The following SGCZ variants were observed in gnomAD, a reference collection of about 807,000 sequenced individuals.
The protein encoded by SGCZ is sarcoglycan zeta, also known as zeta-sarcoglycan.
SGCZ carries 40 observed loss-of-function variants against 41.3 expected under a neutral mutation model. The ratio of observed to expected loss-of-function variants is 0.97; its 90% CI spans 0.75 to 1.26. The LOEUF is 1.26. Among genes scored for constraint, SGCZ ranks in the 50% most tolerant of loss-of-function variants. SGCZ has a pLI of 0.00. For missense variants in SGCZ, 552 were observed against 369.8 expected (o/e 1.49, Z -4.04); for synonymous variants, 206 against 137.5 (o/e 1.50, Z -3.49).
chr8:14,289,823 T>TAA (rs200037386), intron 3 of SGCZ, among the ~76,000 whole-genome samples: 3 of 145,730 alleles, frequency 2.1e-5, no homozygotes, highest in South Asian at 2.2e-4. Flanking sequence ...ACTAGATAAT[T>TAA]AAAAAAAATA....
chr8:15,096,557 C>G (rs1288245276), intron 1 of SGCZ, among the ~76,000 whole-genome samples: 1 of 152,126 alleles, frequency 6.6e-6, no homozygotes, highest in Non-Finnish European at 1.5e-5. Context: ...TGTAATGCTT[C>G]CACCTATGAA....
At position 15,169,436 on chromosome 8, in the gene SGCZ, G is replaced by A. The variant is rs148553084; in HGVS notation, c.39+68149C>T. On this transcript the variant is annotated intron_variant, in intron 1 of 7. Coordinates refer to ENST00000382080, the MANE Select transcript of SGCZ (RefSeq NM_139167.4). ...TCTCTAGCAGGGACTCCAGTCAAAC[G>A]AGAGTCACTGTTTTCCCCTTTTCTT... Among the ~76,000 whole-genome samples, 86 of 152,244 alleles carry A rather than the reference G, an allele frequency of 5.6e-4. No homozygotes were observed. In the East Asian group the frequency reaches 0.013, roughly 23 times the overall value.
intron 3 of SGCZ, among the ~76,000 whole-genome samples, chr8:14,259,878 C>T (rs937819800): frequency 1.5e-4 from 23 of 151,948 alleles, no homozygotes; most frequent in South Asian, 8.3e-4. Context: ...GGGGATGGCA[C>T]TGAATCTGTA....
At chr8:14,116,005 C>G (rs1378060600) in intron 5 of SGCZ, among the ~76,000 whole-genome samples, 2 of 152,056 alleles carry the variant, frequency 1.3e-5, no homozygotes, top group Non-Finnish European at 2.9e-5. Flanking sequence ...AGAGATTCAT[C>G]TCAGCAGCAC....
At position 14,698,124 on chromosome 8, in the gene SGCZ, T is replaced by C. The variant is rs558943975; in HGVS notation, c.40-143198A>G. Among the ~76,000 whole-genome samples the C allele has an allele frequency of 2.8e-3, 419 of 152,146 alleles. 4 individuals carry two copies. Among genetic ancestry groups the C allele is most frequent in the African/African-American group, 9.7e-3 (404 of 41,546 alleles). ...ACTACTCACTATTTAAATAATCGCCTTTCTAGCAGTCAAACAAAATATAGA... is the reference window on the plus strand; with the variant it reads ...ACTACTCACTATTTAAATAATCGCCCTTCTAGCAGTCAAACAAAATATAGA... On this transcript the variant is annotated intron_variant, in intron 1 of 7. Transcript: ENST00000382080.
chr8:14,630,361 C>T (rs746790525), intron 1 of SGCZ, among the ~76,000 whole-genome samples: 3 of 151,782 alleles, frequency 2.0e-5, no homozygotes, highest in Non-Finnish European at 1.5e-5. Context: ...AAACACTTGG[C>T]TCTCAGGATT....
chr8:14,306,902 C>T (rs1025465841), intron 3 of SGCZ, among the ~76,000 whole-genome samples: 15 of 152,090 alleles, frequency 9.9e-5, no homozygotes, highest in African/African-American at 1.4e-4. Flanking sequence ...GGATAAAAAG[C>T]AGACAGAAAA....
chr8:15,007,739 A>G (rs1802655996), intron 1 of SGCZ, among the ~76,000 whole-genome samples: 1 of 152,240 alleles, frequency 6.6e-6, no homozygotes, highest in Admixed American at 6.5e-5. Flanking sequence ...TGAAATCATC[A>G]GGCTTAAGTA....
chr8:14,437,506 T>C (rs1800127709), intron 2 of SGCZ, among the ~76,000 whole-genome samples: 1 of 152,090 alleles, frequency 6.6e-6, no homozygotes, highest in Admixed American at 6.6e-5. Context: ...TCTGAGTCAA[T>C]ATTTTCAAGC....
chr8:14,621,408 C>G (rs1806280981), intron 1 of SGCZ, among the ~76,000 whole-genome samples: 1 of 150,850 alleles, frequency 6.6e-6, no homozygotes, highest in African/African-American at 2.4e-5. Context: ...GCACGTTGTG[C>G]ACATGTACCA....
intron 1 of SGCZ, among the ~76,000 whole-genome samples, chr8:15,023,155 T>C (rs1260313010): frequency 6.6e-6 from 1 of 152,198 alleles, no homozygotes; most frequent in Admixed American, 6.5e-5. Context: ...ATAATCACGC[T>C]TGCTGAAAAT....
intron 4 of SGCZ, among the ~76,000 whole-genome samples, chr8:14,195,432 G>A (rs112113203): frequency 6.0e-4 from 92 of 152,188 alleles, no homozygotes; most frequent in African/African-American, 2.0e-3. Context: ...CTGAGTTCAC[G>A]TACTTAGAAT....
intron 2 of SGCZ, among the ~76,000 whole-genome samples, chr8:14,328,017 T>G (rs1563259902): frequency 6.6e-6 from 1 of 152,200 alleles, no homozygotes; most frequent in Non-Finnish European, 1.5e-5. Flanking sequence ...CACCGTGTTG[T>G]AAATCTAATC....
At chr8:14,743,680 C>G (rs186094284) in intron 1 of SGCZ, among the ~76,000 whole-genome samples, 2,024 of 152,038 alleles carry the variant, frequency 0.013, 21 homozygotes, top group Middle Eastern at 0.041. Context: ...TGCTCTCCCC[C>G]GCCCGACACC....
rs181415880 is a variant in SGCZ, at chr8:14,131,754, C to T, written c.548-23519G>A. On this transcript the variant is annotated intron_variant, in intron 5 of 7. Transcript: ENST00000382080. ...TAACATTTTAGTCAGCAACAGATAA[C>T]ATATATGACAGCGATCCCTTAATAT... 1.7e-4 allele frequency among the ~76,000 whole-genome samples: 26 copies of T among 152,262 alleles called. No homozygotes were observed. The East Asian group carries it at 4.4e-3, about 26-fold the overall frequency.
chr8:14,867,859 C>T (rs1803991189), intron 1 of SGCZ, among the ~76,000 whole-genome samples: 2 of 151,482 alleles, frequency 1.3e-5, no homozygotes, highest in African/African-American at 2.4e-5. Context: ...ACAACAAACC[C>T]CCATGACACA....
At chr8:14,157,336 C>CTGTG (rs71209015) in intron 5 of SGCZ, among the ~76,000 whole-genome samples, 6 of 138,890 alleles carry the variant, frequency 4.3e-5, no homozygotes, top group African/African-American at 1.3e-4. Flanking sequence ...ATATATGCCT[C>CTGTG]TGTGTGTGTG....
intron 1 of SGCZ, among the ~76,000 whole-genome samples, chr8:14,690,114 T>TC (rs1491498308): frequency 7.4e-5 from 4 of 53,974 alleles, no homozygotes; most frequent in Non-Finnish European, 3.1e-4. Context: ...GTGTTGTCTC[T>TC]TTTTTTTTTT....
chr8:14,271,597 G>C (rs922436494), intron 3 of SGCZ, among the ~76,000 whole-genome samples: 10 of 152,148 alleles, frequency 6.6e-5, no homozygotes, highest in African/African-American at 2.4e-4. Context: ...TTACAAGACA[G>C]CTTTTCCTCT....
Sources: allele counts gnomAD v4.1 joint callset (sites outside exome capture counted in the v4.1 genomes callset), GRCh38; gene constraint gnomAD v4.1.1; transcripts MANE v1.5; gene names NCBI Gene and HGNC (gene_info 2026-07-23, HGNC 2026-07-21).